Variants in SGCZ observed in about 807,000 individuals in gnomAD.
SGCZ encodes sarcoglycan zeta.
SGCZ carries 40 observed loss-of-function variants against 41.3 expected under a neutral mutation model. The observed-to-expected ratio is 0.97, with a 90% CI of 0.75 to 1.26. SGCZ has a LOEUF of 1.26. Among genes scored for constraint, SGCZ ranks in the 50% most tolerant of loss-of-function variants. The pLI is 0.00. For missense variants in SGCZ, 552 were observed against 369.8 expected (o/e 1.49, Z -4.04); for synonymous variants, 206 against 137.5 (o/e 1.50, Z -3.49).
intron 1 of SGCZ, among the ~76,000 whole-genome samples, chr8:14,976,205 T>C (rs1801474090): frequency 6.6e-6 from 1 of 151,754 alleles, no homozygotes; most frequent in Admixed American, 6.6e-5. Context: ...GTGTTTTTAG[T>C]AGACACATGG....
intron 2 of SGCZ, among the ~76,000 whole-genome samples, chr8:14,516,165 G>C (rs1386682626): frequency 6.6e-6 from 1 of 151,150 alleles, no homozygotes; most frequent in Non-Finnish European, 1.5e-5. Context: ...TTTACTTTAG[G>C]TTTGAGGGTA....
chr8:14,120,606 AAACT>A (rs965547073), intron 5 of SGCZ, among the ~76,000 whole-genome samples: 11 of 152,124 alleles, frequency 7.2e-5, no homozygotes, highest in African/African-American at 2.4e-4. Context: ...GGAAAAAATA[AAACT>A]AACATGGTTC....
chr8:14,177,834 T>G (rs1438763492), intron 4 of SGCZ, among the ~76,000 whole-genome samples: 1 of 151,814 alleles, frequency 6.6e-6, no homozygotes, highest in African/African-American at 2.4e-5. Context: ...CTCTGTTTCC[T>G]TTTCTATCTG....
rs141980770 is a variant in SGCZ, at chr8:14,611,210, C to T, written c.40-56284G>A. 3.0e-3 allele frequency among the ~76,000 whole-genome samples: 452 copies of T among 152,240 alleles called. 1 individual carries two copies. The highest frequency in any genetic ancestry group is 0.01 in the African/African-American group (424 of 41,568). On this transcript the variant is annotated intron_variant, in intron 1 of 7. Transcript: ENST00000382080. Reference sequence around the variant, plus strand: ...ACTTTGCTCTTCCTCAACACTGAGTCTTTCCTCTATCCTTTTCAAATATCT... The same window carrying T: ...ACTTTGCTCTTCCTCAACACTGAGTTTTTCCTCTATCCTTTTCAAATATCT...
At chr8:15,142,526 C>T (rs1798917584) in intron 1 of SGCZ, among the ~76,000 whole-genome samples, 1 of 152,072 alleles carries the variant, frequency 6.6e-6, no homozygotes, top group African/African-American at 2.4e-5. Context: ...CCTCAGCCTG[C>T]AAGACTCACA....
At chr8:15,019,138 G>T (rs923128757) in intron 1 of SGCZ, among the ~76,000 whole-genome samples, 24 of 152,168 alleles carry the variant, frequency 1.6e-4, no homozygotes, top group African/African-American at 5.6e-4. Context: ...GATTACAACT[G>T]GATGAGATTT....
chr8:14,092,173 C>T (rs1395958977), intron 7 of SGCZ, among the ~76,000 whole-genome samples: 2 of 151,990 alleles, frequency 1.3e-5, no homozygotes, highest in African/African-American at 2.4e-5. Context: ...TTCCATTGGT[C>T]TATAGATCAG....
intron 2 of SGCZ, among the ~76,000 whole-genome samples, chr8:14,523,757 T>C (rs967178873): frequency 6.6e-6 from 1 of 152,086 alleles, no homozygotes; most frequent in African/African-American, 2.4e-5. Context: ...TCAGCCACTC[T>C]TTCTTCCAGT....
In SGCZ at chr8:15,050,359, G is replaced by C. The variant is rs544810990; in HGVS notation, c.39+187226C>G. ...GTGGCCCTCTCTGTGAAATTGGGAA[G>C]AGCTAACCTATTTATGGCACTTATG... On this transcript the variant is annotated intron_variant, in intron 1 of 7. Transcript: ENST00000382080. 2.0e-5 allele frequency among the ~76,000 whole-genome samples: 3 copies of C among 152,290 alleles called. No homozygotes were observed. The East Asian group carries it at 5.8e-4, about 29-fold the overall frequency.
chr8:14,238,527 T>C (rs528579298), intron 3 of SGCZ, among the ~76,000 whole-genome samples: 21 of 152,318 alleles, frequency 1.4e-4, no homozygotes, highest in African/African-American at 4.8e-4. Flanking sequence ...TATTAGTAAT[T>C]TAGCATTTAA....
At chr8:15,210,043 T>A (rs1388524977) in intron 1 of SGCZ, among the ~76,000 whole-genome samples, 4 of 152,186 alleles carry the variant, frequency 2.6e-5, no homozygotes, top group Admixed American at 1.3e-4. Context: ...ACACAATACT[T>A]CTTACTCATT....
At chr8:14,174,396 T>C (rs1221121868) in intron 4 of SGCZ, among the ~76,000 whole-genome samples, 1 of 152,102 alleles carries the variant, frequency 6.6e-6, no homozygotes, top group East Asian at 1.9e-4. Context: ...AGAAAATGTG[T>C]TCAACAACTG....
intron 1 of SGCZ, among the ~76,000 whole-genome samples, chr8:15,123,434 T>C (rs1216046788): frequency 1.3e-5 from 2 of 152,180 alleles, no homozygotes; most frequent in South Asian, 2.1e-4. Context: ...TGCTCAGTAA[T>C]TTTTTGGTTT....
At chr8:14,120,905 G>C (rs558527837) in intron 5 of SGCZ, among the ~76,000 whole-genome samples, 3 of 152,068 alleles carry the variant, frequency 2.0e-5, no homozygotes, top group East Asian at 1.9e-4. Flanking sequence ...ATCAATGATA[G>C]TTTCATGGAA....
chr8:14,868,249 C>T (rs753997286), intron 1 of SGCZ, among the ~76,000 whole-genome samples: 4 of 152,124 alleles, frequency 2.6e-5, no homozygotes, highest in African/African-American at 9.7e-5. Context: ...TCATGCAACT[C>T]GGTGACCTCC....
chr8:15,097,869 T>G (rs1233904029), intron 1 of SGCZ, among the ~76,000 whole-genome samples: 7 of 28,738 alleles, frequency 2.4e-4, no homozygotes, highest in Admixed American at 5.4e-4. Flanking sequence ...TGTGTGTGTA[T>G]ATATATATAT....
intron 3 of SGCZ, among the ~76,000 whole-genome samples, chr8:14,248,358 A>G (rs1799177685): frequency 6.6e-6 from 1 of 152,198 alleles, no homozygotes; most frequent in African/African-American, 2.4e-5. Flanking sequence ...GATGGTGATG[A>G]CGATGCTAAT....
intron 1 of SGCZ, among the ~76,000 whole-genome samples, chr8:14,743,558 A>C (rs1367344640): frequency 6.6e-6 from 1 of 152,044 alleles, no homozygotes; most frequent in Non-Finnish European, 1.5e-5. Flanking sequence ...TGGGGGAAGA[A>C]TAAAATACTT....
intron 2 of SGCZ, among the ~76,000 whole-genome samples, chr8:14,486,582 G>C (rs1264375832): frequency 2.0e-5 from 3 of 152,184 alleles, no homozygotes; most frequent in Non-Finnish European, 1.5e-5. Context: ...GTGTGTGTGC[G>C]CGCGCGTGCG....
Sources: allele counts gnomAD v4.1 joint callset (sites outside exome capture counted in the v4.1 genomes callset), GRCh38; gene constraint gnomAD v4.1.1; transcripts MANE v1.5; gene names NCBI Gene and HGNC (gene_info 2026-07-23, HGNC 2026-07-21).